The following MCC variants were observed in gnomAD, a reference collection of about 807,000 sequenced individuals.
MCC encodes the protein MCC regulator of Wnt signaling pathway.
Under a neutral mutation model 116.2 loss-of-function variants are expected in MCC, and 90 were observed. The ratio of observed to expected loss-of-function variants is 0.77; its 90% CI spans 0.65 to 0.92. The LOEUF (loss-of-function observed/expected upper bound fraction) is 0.92. Among genes scored for constraint, MCC ranks in the 40% least tolerant of loss-of-function variants. MCC has a pLI of 0.00. For synonymous variants in MCC, 578 were observed against 510.5 expected, an observed-to-expected ratio of 1.13 and a Z score of -1.78; for missense variants, 1,516 against 1,312.2, an observed-to-expected ratio of 1.16 and a Z score of -2.40.
chr5:113,219,252 G>A (rs1763448834), intron 3 of MCC, among the ~76,000 whole-genome samples: 2 of 152,212 alleles, frequency 1.3e-5, no homozygotes, highest in Admixed American at 1.3e-4. Flanking sequence ...AAGTTTGGAA[G>A]CTATTGTTTG....
chr5:113,367,639 G>GA (rs1230824763), intron 2 of MCC, among the ~76,000 whole-genome samples: 1 of 84,218 alleles, frequency 1.2e-5, no homozygotes, highest in Admixed American at 1.7e-4. Flanking sequence ...TGGGGGGGGG[G>GA]AAGAGAGAGA....
rs150104699 is a variant in MCC, at chr5:113,271,967, T to C, written c.627+68552A>G. Among the ~76,000 whole-genome samples the C allele has an allele frequency of 4.9e-4, 75 of 152,334 alleles. 1 individual carries two copies. Among genetic ancestry groups the C allele is most frequent in the African/African-American group, 1.1e-3 (46 of 41,576 alleles). ...AGGAGCACAAAATGAACTGAGACAG[T>C]TGACCATCCTTAACAGAGACTCAAA... On this transcript the variant is annotated intron_variant, in intron 3 of 18. Coordinates refer to ENST00000408903, the MANE Select transcript of MCC (RefSeq NM_001085377.2).
At chr5:113,335,967 A>G (rs1581408491) in intron 3 of MCC, among the ~76,000 whole-genome samples, 1 of 151,754 alleles carries the variant, frequency 6.6e-6, no homozygotes, top group Admixed American at 6.5e-5. Flanking sequence ...ATGAATAGAA[A>G]TTTATTGGCT....
rs947942000 is a variant in MCC, at chr5:113,328,995, A to C, written c.627+11524T>G. On this transcript the variant is annotated intron_variant, in intron 3 of 18. Coordinates refer to ENST00000408903, the MANE Select transcript of MCC (RefSeq NM_001085377.2). Reference sequence around the variant, plus strand: ...CACATAAATGAGTAGCTACAAACTCAAGCTGTGGAGTCAAACAAACCTGGG... The same window carrying C: ...CACATAAATGAGTAGCTACAAACTCCAGCTGTGGAGTCAAACAAACCTGGG... Among the ~76,000 whole-genome samples, 4 of 152,184 alleles carry C rather than the reference A, an allele frequency of 2.6e-5. No individual in the cohort carries two copies. The East Asian group carries it at 7.7e-4, about 29-fold the overall frequency.
chr5:113,464,954 T>A (rs989812484), intron 1 of MCC, among the ~76,000 whole-genome samples: 35 of 152,136 alleles, frequency 2.3e-4, no homozygotes, highest in Admixed American at 2.3e-3. Flanking sequence ...TAGAGACATA[T>A]AATCCCTCTT....
intron 1 of MCC, among the ~76,000 whole-genome samples, chr5:113,412,224 C>T (rs571403652): frequency 1.3e-5 from 2 of 152,218 alleles, no homozygotes; most frequent in African/African-American, 4.8e-5. Context: ...TAGCTTTGTT[C>T]TTTTTGCTTA....
chr5:113,387,591 A>G (rs1012752649), intron 1 of MCC, among the ~76,000 whole-genome samples: 4 of 152,204 alleles, frequency 2.6e-5, no homozygotes, highest in Non-Finnish European at 5.9e-5. Context: ...CAAATTCTAG[A>G]AGTTCATGTA....
At chr5:113,419,795 C>T (rs978391691) in intron 1 of MCC, among the ~76,000 whole-genome samples, 6 of 146,828 alleles carry the variant, frequency 4.1e-5, no homozygotes, top group African/African-American at 1.5e-4. Context: ...ACCGCATGTT[C>T]TCACTCATAG....
chr5:113,150,799 T>C (rs551649586), intron 4 of MCC, among the ~76,000 whole-genome samples: 1 of 152,296 alleles, frequency 6.6e-6, no homozygotes, highest in African/African-American at 2.4e-5. Context: ...CAAGGGCTCA[T>C]GCCTGTAATC....
intron 5 of MCC, among the ~76,000 whole-genome samples, chr5:113,123,772 T>C (rs572288587): frequency 1.3e-5 from 2 of 152,334 alleles, no homozygotes; most frequent in South Asian, 4.1e-4. Flanking sequence ...TAGGGGGAAC[T>C]GTCAGGGGAT....
At chr5:113,083,295 A>G (rs1352656239) in intron 10 of MCC, among the ~76,000 whole-genome samples, 4 of 152,072 alleles carry the variant, frequency 2.6e-5, no homozygotes, top group Non-Finnish European at 5.9e-5. Flanking sequence ...AGTTCCTTAA[A>G]TTCTGAATGT....
At chr5:113,471,399 C>G (rs956846003) in intron 1 of MCC, among the ~76,000 whole-genome samples, 1 of 152,122 alleles carries the variant, frequency 6.6e-6, no homozygotes, top group African/African-American at 2.4e-5. Flanking sequence ...AGACAGGACC[C>G]TCAACTGCAG....
chr5:113,460,434 CCCT>C (rs1476069214), intron 1 of MCC, among the ~76,000 whole-genome samples: 1 of 152,176 alleles, frequency 6.6e-6, no homozygotes, highest in Non-Finnish European at 1.5e-5. Flanking sequence ...CATCAGTATT[CCCT>C]CCTCTTTACC....
At chr5:113,422,005 G>A (rs189551674) in intron 1 of MCC, among the ~76,000 whole-genome samples, 6 of 152,274 alleles carry the variant, frequency 3.9e-5, no homozygotes, top group Non-Finnish European at 1.5e-5. Flanking sequence ...CTTTTACTGA[G>A]GTATTTGAAG....
At chr5:113,373,412 A>T (rs1768890820) in intron 2 of MCC, among the ~76,000 whole-genome samples, 1 of 152,216 alleles carries the variant, frequency 6.6e-6, no homozygotes, top group African/African-American at 2.4e-5. Flanking sequence ...TACCTAATAC[A>T]GAAATATTTT....
At position 113,067,222 on chromosome 5, in the gene MCC, G is replaced by A. The variant is rs571548608; in HGVS notation, c.2029+858C>T. On this transcript the variant is annotated intron_variant, in intron 13 of 18. Transcript: ENST00000408903. Reference sequence around the variant, plus strand: ...GGCCAACAGGGCACAGGATCCCCGGGCTGGGGGAAGGACAGGCACAGGAAA... The same window carrying A: ...GGCCAACAGGGCACAGGATCCCCGGACTGGGGGAAGGACAGGCACAGGAAA... 5.3e-5 allele frequency among the ~76,000 whole-genome samples: 8 copies of A among 152,324 alleles called. 1 individual carries two copies. The South Asian group carries it at 1.0e-3, about 20-fold the overall frequency.
chr5:113,237,063 T>C (rs570027998), intron 3 of MCC, among the ~76,000 whole-genome samples: 20 of 152,310 alleles, frequency 1.3e-4, no homozygotes, highest in Admixed American at 3.9e-4. Context: ...GGGGAATTCA[T>C]TAAATACTTG....
chr5:113,433,893 C>T (rs781636494), intron 1 of MCC: 2 of 1,613,988 alleles, frequency 1.2e-6, no homozygotes, highest in Non-Finnish European at 1.7e-6. Context: ...CTGTGCCTCT[C>T]CCTCAGGCTC....
In MCC at chr5:113,046,710, A is replaced by AAAG; in HGVS notation, c.2655+2382_2655+2383insCTT. 2.5e-3 allele frequency among the ~76,000 whole-genome samples: 261 copies of AAAG among 102,430 alleles called. 36 individuals carry two copies. The highest frequency in any genetic ancestry group is 5.7e-3 in the African/African-American group (142 of 25,074). 67.2% of individuals were successfully genotyped at this position (102,430 alleles called of 152,430 possible). On this transcript the variant is annotated intron_variant, in intron 16 of 18. Coordinates refer to ENST00000408903, the MANE Select transcript of MCC (RefSeq NM_001085377.2). ...CAAAAAAAAAAAAAAAAAAAAAAAAAAGAGAGAGATTTTGAAGGTGTTTGT... is the reference window on the plus strand; with the variant it reads ...CAAAAAAAAAAAAAAAAAAAAAAAAAAAGAGAGAGAGATTTTGAAGGTGTTTGT...
Sources: allele counts gnomAD v4.1 joint callset (sites outside exome capture counted in the v4.1 genomes callset), GRCh38; gene constraint gnomAD v4.1.1; transcripts MANE v1.5; gene names NCBI Gene and HGNC (gene_info 2026-07-23, HGNC 2026-07-21).